ARHGEF26: variants seen among roughly 807,000 people sequenced by gnomAD.
The protein encoded by ARHGEF26 is Rho guanine nucleotide exchange factor (GEF) 26.
In ARHGEF26, 59 loss-of-function variants were observed where a neutral mutation model predicts 89.4. The ratio of observed to expected loss-of-function variants is 0.66; its 90% CI spans 0.54 to 0.82. ARHGEF26 has a LOEUF of 0.82. ARHGEF26 is among the 40% of genes least tolerant of loss of function. ARHGEF26 has a pLI of 0.00. For synonymous variants in ARHGEF26, 500 were observed against 428.4 expected, an observed-to-expected ratio of 1.17 and a Z score of -2.06; for missense variants, 1,234 against 1,085.6, an observed-to-expected ratio of 1.14 and a Z score of -1.92.
chr3:154,157,780 A>G (rs971175335), intron 6 of ARHGEF26, among the ~76,000 whole-genome samples: 4 of 152,066 alleles, frequency 2.6e-5, no homozygotes, highest in African/African-American at 7.2e-5. Flanking sequence ...ATTGGGGCTT[A>G]GGGAGGGAGA....
At chr3:154,210,100 C>T (rs889359098) in intron 9 of ARHGEF26, among the ~76,000 whole-genome samples, 19 of 152,142 alleles carry the variant, frequency 1.2e-4, no homozygotes, top group Non-Finnish European at 1.9e-4. Flanking sequence ...CTTAAGTCAG[C>T]TTGTGGTGAA....
At chr3:154,198,104 A>G (rs956981600) in intron 9 of ARHGEF26, among the ~76,000 whole-genome samples, 4 of 152,146 alleles carry the variant, frequency 2.6e-5, no homozygotes, top group Non-Finnish European at 5.9e-5. Context: ...GTACATGTGT[A>G]TGACAAATGG....
chr3:154,241,869 A>G (rs1461783768), intron 12 of ARHGEF26, among the ~76,000 whole-genome samples: 3 of 152,222 alleles, frequency 2.0e-5, no homozygotes, highest in Admixed American at 2.0e-4. Flanking sequence ...GATATTGAGG[A>G]TGGGGTAGGG....
intron 5 of ARHGEF26, among the ~76,000 whole-genome samples, chr3:154,150,210 T>C (rs1367077187): frequency 6.6e-6 from 1 of 151,456 alleles, no homozygotes; most frequent in African/African-American, 2.4e-5. Context: ...TTTTCAAGTT[T>C]AAAAAAAATA....
intron 4 of ARHGEF26, among the ~76,000 whole-genome samples, chr3:154,141,053 C>T (rs770968256): frequency 6.6e-6 from 1 of 152,118 alleles, no homozygotes; most frequent in Non-Finnish European, 1.5e-5. Context: ...GCTCCGCCTC[C>T]TGGGTTCACG....
Position 154,217,901 on chromosome 3 carries a change from G to T in ARHGEF26, c.1878G>T (p.Lys626Asn). The change falls in exon 10 of 15, where the codon AAG becomes AAT. Residue 626 changes from lysine (K) to asparagine (N), a missense_variant. Coordinates refer to ENST00000465093, the MANE Select transcript of ARHGEF26 (RefSeq NM_015595.4). ...LVRLCNEGAR[K>N]MERTEMMYTI... ...GACTATGCAATGAGGGCGCCCGGAA[G>T]ATGGAAAGGACTGAGATGATGTACA... 1 of 1,603,242 alleles carries T rather than the reference G, an allele frequency of 6.2e-7. No homozygotes were observed. The highest frequency in any genetic ancestry group is 8.5e-7 in the Non-Finnish European group (1 of 1,174,662).
At chr3:154,198,292 G>T (rs552486774) in intron 9 of ARHGEF26, among the ~76,000 whole-genome samples, 3 of 152,250 alleles carry the variant, frequency 2.0e-5, no homozygotes, top group East Asian at 3.9e-4. Context: ...ATGTAAACTA[G>T]TACAACCAAT....
intron 9 of ARHGEF26, among the ~76,000 whole-genome samples, chr3:154,217,438 CT>C (rs1394061251): frequency 6.6e-6 from 1 of 151,912 alleles, no homozygotes; most frequent in Non-Finnish European, 1.5e-5. Flanking sequence ...GATATTAGCC[CT>C]TTGTCAGATG....
chr3:154,169,270 G>C (rs75842322), intron 6 of ARHGEF26, among the ~76,000 whole-genome samples: 2 of 151,774 alleles, frequency 1.3e-5, no homozygotes, highest in Non-Finnish European at 2.9e-5. Flanking sequence ...CATTATTTGC[G>C]GATTCCATAT....
intron 12 of ARHGEF26, among the ~76,000 whole-genome samples, chr3:154,247,022 C>CA (rs1375280959): frequency 2.0e-5 from 3 of 152,204 alleles, no homozygotes; most frequent in Non-Finnish European, 2.9e-5. Context: ...ATCAGATTAA[C>CA]AGGCTTCCTA....
At chr3:154,164,596 G>C (rs773749108) in intron 6 of ARHGEF26, among the ~76,000 whole-genome samples, 1 of 152,076 alleles carries the variant, frequency 6.6e-6, no homozygotes, top group South Asian at 2.1e-4. Context: ...TCAAACAAAG[G>C]TCCCTTTGTA....
intron 12 of ARHGEF26, among the ~76,000 whole-genome samples, chr3:154,248,932 TAGTTG>T (rs1717951753): frequency 6.6e-6 from 1 of 152,158 alleles, no homozygotes; most frequent in Non-Finnish European, 1.5e-5. Context: ...TGAACTAATC[TAGTTG>T]AATTGAGTTT....
intron 4 of ARHGEF26, among the ~76,000 whole-genome samples, chr3:154,147,244 A>T (rs1012140458): frequency 1.2e-4 from 18 of 152,114 alleles, no homozygotes; most frequent in African/African-American, 4.3e-4. Flanking sequence ...CTCTCCACTA[A>T]AAATACAAAT....
At chr3:154,215,898 AGTCT>A (rs1715693129) in intron 9 of ARHGEF26, among the ~76,000 whole-genome samples, 1 of 152,216 alleles carries the variant, frequency 6.6e-6, no homozygotes, top group Admixed American at 6.5e-5. Context: ...ACAAACATTT[AGTCT>A]GTAATAATTG....
At chr3:154,139,297 C>T (rs1187057513) in intron 4 of ARHGEF26, among the ~76,000 whole-genome samples, 2 of 152,164 alleles carry the variant, frequency 1.3e-5, no homozygotes, top group Non-Finnish European at 2.9e-5. Flanking sequence ...TCTTCTCTTA[C>T]CTGCACTCAT....
chr3:154,122,908 G>A lies in ARHGEF26; in HGVS notation c.916G>A (p.Gly306Arg). Reference sequence around the variant, plus strand: ...GGTCGATAACGACGTGGATAGCCCAGGGTCTCTGCGGAGAGGCTTGCGGTC... The same window carrying A: ...GGTCGATAACGACGTGGATAGCCCAAGGTCTCTGCGGAGAGGCTTGCGGTC... Reference protein sequence around the residue: ...SEVDNDVDSPGSLRRGLRSTS... With the variant: ...SEVDNDVDSPRSLRRGLRSTS... The change falls in exon 2 of 15, where the codon GGG (glycine) becomes AGG (arginine). Residue 306 changes from glycine (G) to arginine (R), a missense_variant. Transcript: ENST00000465093. 1 of 1,613,392 alleles carries A rather than the reference G, an allele frequency of 6.2e-7. No homozygotes were observed. Among genetic ancestry groups the A allele is most frequent in the Non-Finnish European group, 8.5e-7 (1 of 1,179,646 alleles).
chr3:154,195,122 T>C (rs1559890818), intron 9 of ARHGEF26, among the ~76,000 whole-genome samples: 1 of 152,148 alleles, frequency 6.6e-6, no homozygotes, highest in Non-Finnish European at 1.5e-5. Flanking sequence ...TAAACAGAGT[T>C]ACAATGAAGG....
intron 6 of ARHGEF26, among the ~76,000 whole-genome samples, chr3:154,163,213 T>C (rs1711775162): frequency 6.6e-6 from 1 of 152,216 alleles, no homozygotes; most frequent in African/African-American, 2.4e-5. Flanking sequence ...GGAACTTAAC[T>C]TTTGTTTATA....
intron 9 of ARHGEF26, among the ~76,000 whole-genome samples, chr3:154,197,826 A>T (rs1252909953): frequency 6.6e-6 from 1 of 152,148 alleles, no homozygotes; most frequent in Non-Finnish European, 1.5e-5. Context: ...TTTCCATAGG[A>T]ATCTGGTAAT....
Sources: gnomAD v4.1 joint callset for allele counts (sites outside exome capture counted in the v4.1 genomes callset) on GRCh38, gnomAD v4.1.1 for gene constraint, MANE v1.5 for transcripts, NCBI Gene and HGNC (gene_info 2026-07-23, HGNC 2026-07-21) for gene names.